The following CPQ variants were observed in gnomAD, a reference collection of about 807,000 sequenced individuals.
CPQ encodes carboxypeptidase Q, also known as Ser-Met dipeptidase.
A neutral mutation model predicts 45.7 loss-of-function variants in CPQ; 37 were observed. That is an observed-to-expected ratio of 0.81 (90% CI 0.62 to 1.07). The LOEUF is 1.07. Ranked by LOEUF, CPQ falls within the 50% of genes least tolerant of loss-of-function variation. CPQ has a pLI of 0.00. For synonymous variants in CPQ, 186 were observed against 205.8 expected (o/e 0.90, Z 0.82); for missense variants, 537 against 572.9 (o/e 0.94, Z 0.64).
chr8:96,945,312 T>C (rs1813175713), intron 4 of CPQ, among the ~76,000 whole-genome samples: 1 of 152,210 alleles, frequency 6.6e-6, no homozygotes, highest in South Asian at 2.1e-4. Context: ...GGTTTTCTCA[T>C]TTTGAATTTC....
chr8:96,947,245 T>C (rs1439807634), intron 4 of CPQ, among the ~76,000 whole-genome samples: 2 of 152,322 alleles, frequency 1.3e-5, no homozygotes, highest in Admixed American at 6.5e-5. Flanking sequence ...TGCCACATAA[T>C]GCAGTTTTGA....
chr8:96,832,064 T>C (rs1586418535), intron 2 of CPQ, among the ~76,000 whole-genome samples: 1 of 152,146 alleles, frequency 6.6e-6, no homozygotes, highest in Non-Finnish European at 1.5e-5. Context: ...CCAACATTGT[T>C]TTTTGTGGTA....
chr8:96,968,793 C>CT (rs1476009785), intron 5 of CPQ, among the ~76,000 whole-genome samples: 1 of 152,206 alleles, frequency 6.6e-6, no homozygotes, highest in Non-Finnish European at 1.5e-5. Flanking sequence ...TATAGATTCA[C>CT]TTTTTTGCTC....
chr8:97,052,102 C>A (rs556061480), intron 6 of CPQ, among the ~76,000 whole-genome samples: 1 of 152,136 alleles, frequency 6.6e-6, no homozygotes, highest in African/African-American at 2.4e-5. Flanking sequence ...TCATTATTCC[C>A]GACATATTTG....
chr8:97,004,438 T>A (rs1809344156), intron 5 of CPQ, among the ~76,000 whole-genome samples: 1 of 151,988 alleles, frequency 6.6e-6, no homozygotes, highest in South Asian at 2.1e-4. Context: ...AAAAATGAGT[T>A]TTCATACACT....
chr8:97,022,635 A>G (rs963846188), intron 5 of CPQ, among the ~76,000 whole-genome samples: 4 of 152,128 alleles, frequency 2.6e-5, no homozygotes, highest in African/African-American at 4.8e-5. Flanking sequence ...AAAATGCTCA[A>G]CATCACTAAT....
Position 96,748,966 on chromosome 8 carries a change from T to C in CPQ, c.-34-35898T>C, listed in dbSNP as rs541518029. Among the ~76,000 whole-genome samples, 3 of 152,288 alleles carry C rather than the reference T, an allele frequency of 2.0e-5. No homozygotes were observed. In the East Asian group the frequency reaches 5.8e-4, roughly 29 times the overall value. ...ATTTGTCACCAATTGCAAAGCCTTTTCTGACCCTCATAGAAATAACTATCA... is the reference window on the plus strand; with the variant it reads ...ATTTGTCACCAATTGCAAAGCCTTTCCTGACCCTCATAGAAATAACTATCA... On this transcript the variant is annotated intron_variant, in intron 1 of 7. Transcript: ENST00000220763.
At chr8:96,936,249 G>T (rs1157585724) in intron 4 of CPQ, among the ~76,000 whole-genome samples, 1 of 152,076 alleles carries the variant, frequency 6.6e-6, no homozygotes, top group Non-Finnish European at 1.5e-5. Flanking sequence ...TTTACTGTGG[G>T]TCTAATGCAG....
At chr8:97,063,570 C>G (rs1810588547) in intron 6 of CPQ, among the ~76,000 whole-genome samples, 1 of 152,060 alleles carries the variant, frequency 6.6e-6, no homozygotes, top group Non-Finnish European at 1.5e-5. Context: ...AATGGTATGC[C>G]TAGGTTGTCT....
chr8:96,953,645 G>A (rs186075872), intron 4 of CPQ, among the ~76,000 whole-genome samples: 2 of 152,206 alleles, frequency 1.3e-5, no homozygotes, highest in Admixed American at 1.3e-4. Context: ...AAAAGTGTTG[G>A]ATTTATTTAG....
At chr8:97,055,921 G>A (rs887895631) in intron 6 of CPQ, among the ~76,000 whole-genome samples, 2 of 152,060 alleles carry the variant, frequency 1.3e-5, no homozygotes, top group Non-Finnish European at 2.9e-5. Context: ...GCAACCTGGC[G>A]AGACTTTTCC....
intron 3 of CPQ, among the ~76,000 whole-genome samples, chr8:96,849,659 G>C (rs1811745074): frequency 6.6e-6 from 1 of 152,156 alleles, no homozygotes; most frequent in Non-Finnish European, 1.5e-5. Flanking sequence ...CACACCTTTG[G>C]TGTGCATGGA....
chr8:96,865,348 C>A (rs960471859), intron 3 of CPQ, among the ~76,000 whole-genome samples: 6 of 152,058 alleles, frequency 3.9e-5, no homozygotes, highest in African/African-American at 1.4e-4. Context: ...TGAGATTAAA[C>A]CACCACAGTG....
chr8:96,727,475 A>C (rs921641678), intron 1 of CPQ, among the ~76,000 whole-genome samples: 6 of 152,064 alleles, frequency 3.9e-5, no homozygotes, highest in Non-Finnish European at 7.4e-5. Flanking sequence ...GTTTTATCTC[A>C]TCTCACTGCT....
chr8:97,090,216 T>G (rs1041000729), intron 7 of CPQ, among the ~76,000 whole-genome samples: 3 of 152,182 alleles, frequency 2.0e-5, no homozygotes, highest in African/African-American at 7.2e-5. Context: ...GCTCTGGCAT[T>G]GTGCAACTTA....
At chr8:97,096,282 TAAAG>T (rs1811209317) in intron 7 of CPQ, among the ~76,000 whole-genome samples, 1 of 152,082 alleles carries the variant, frequency 6.6e-6, no homozygotes, top group South Asian at 2.1e-4. Flanking sequence ...GACCAAAAAA[TAAAG>T]AAATCATTAT....
chr8:97,099,245 C>T (rs1811262099), intron 7 of CPQ, among the ~76,000 whole-genome samples: 1 of 150,348 alleles, frequency 6.7e-6, no homozygotes, highest in Admixed American at 6.7e-5. Context: ...ATCCTCCTGC[C>T]TCTGCCTCCT....
chr8:96,968,352 T>A (rs1485016969), intron 5 of CPQ, among the ~76,000 whole-genome samples: 1 of 152,186 alleles, frequency 6.6e-6, no homozygotes, highest in Non-Finnish European at 1.5e-5. Flanking sequence ...ACCCATTGAG[T>A]CTTACTCTTT....
intron 1 of CPQ, among the ~76,000 whole-genome samples, chr8:96,772,355 T>C (rs1810555217): frequency 6.6e-6 from 1 of 151,948 alleles, no homozygotes; most frequent in Admixed American, 6.6e-5. Flanking sequence ...GATGGGGTGG[T>C]GGAAGTGCCA....
Sources: gnomAD v4.1 joint callset for allele counts (sites outside exome capture counted in the v4.1 genomes callset) on GRCh38, gnomAD v4.1.1 for gene constraint, MANE v1.5 for transcripts, NCBI Gene and HGNC (gene_info 2026-07-23, HGNC 2026-07-21) for gene names.